Variants in CPA6 observed in about 807,000 individuals in gnomAD.
CPA6 encodes the protein carboxypeptidase B.
A neutral mutation model predicts 63.3 loss-of-function variants in CPA6; 58 were observed. That is an observed-to-expected ratio of 0.92 (90% confidence interval 0.74 to 1.14). The LOEUF (loss-of-function observed/expected upper bound fraction) is 1.14, where lower values mean the gene tolerates loss of function less well. CPA6 is among the 50% of genes most tolerant of loss of function. CPA6 has a pLI of 0.00. For missense variants in CPA6, 565 were observed against 526.6 expected (o/e 1.07, Z -0.71); for synonymous variants, 185 against 179.0 (o/e 1.03, Z -0.27).
intron 1 of CPA6, among the ~76,000 whole-genome samples, chr8:67,631,923 G>C (rs531208730): frequency 6.6e-6 from 1 of 152,076 alleles, no homozygotes; most frequent in South Asian, 2.1e-4. Flanking sequence ...CCCACCAGAA[G>C]GAAAAACCTC....
chr8:67,611,821 G>C (rs1041950918), intron 2 of CPA6, among the ~76,000 whole-genome samples: 1 of 152,048 alleles, frequency 6.6e-6, no homozygotes, highest in African/African-American at 2.4e-5. Flanking sequence ...GCCTGCTGGC[G>C]GCACAGCAAA....
intron 2 of CPA6, among the ~76,000 whole-genome samples, chr8:67,571,320 A>G (rs1813480887): frequency 6.6e-6 from 1 of 152,230 alleles, no homozygotes; most frequent in Non-Finnish European, 1.5e-5. Context: ...TTGAGGAACC[A>G]TTGGACTTGA....
At chr8:67,716,818 T>A (rs1817391957) in intron 1 of CPA6, among the ~76,000 whole-genome samples, 1 of 152,220 alleles carries the variant, frequency 6.6e-6, no homozygotes, top group Non-Finnish European at 1.5e-5. Flanking sequence ...TTTTGCAGCC[T>A]TTATCTTATT....
chr8:67,447,489 A>T (rs867091720), intron 8 of CPA6, among the ~76,000 whole-genome samples: 5 of 147,100 alleles, frequency 3.4e-5, no homozygotes, highest in Admixed American at 2.1e-4. Context: ...CCCTGGGCTG[A>T]AGGAGATATG....
At chr8:67,692,211 C>T (rs545569611) in intron 1 of CPA6, among the ~76,000 whole-genome samples, 1 of 152,062 alleles carries the variant, frequency 6.6e-6, no homozygotes, top group African/African-American at 2.4e-5. Context: ...TGGCGCATGC[C>T]TCTAATCCCA....
At chr8:67,582,047 T>C (rs1813786712) in intron 2 of CPA6, among the ~76,000 whole-genome samples, 1 of 152,036 alleles carries the variant, frequency 6.6e-6, no homozygotes, top group Admixed American at 6.6e-5. Flanking sequence ...TCTTTGGTTG[T>C]GTAGTGGGGT....
rs561739694 is a variant in CPA6 at position 67,506,127 on chromosome 8, G to C, written c.636+660C>G. On this transcript the variant is annotated intron_variant, in intron 6 of 10. Transcript: ENST00000297770. ...TAGAAAAGTATCAGAACATACGAAA[G>C]TGTTGGCACAAAAGGCTGGCCCACT... Among the ~76,000 whole-genome samples the C allele has an allele frequency of 3.3e-5, 5 of 151,900 alleles. No individual in the cohort carries two copies. In the East Asian group the frequency reaches 9.7e-4, roughly 29 times the overall value.
chr8:67,637,213 G>A (rs1237702544), intron 1 of CPA6, among the ~76,000 whole-genome samples: 1 of 151,586 alleles, frequency 6.6e-6, no homozygotes, highest in African/African-American at 2.4e-5. Context: ...TTTTCTCACG[G>A]TAGCTCACAT....
intron 2 of CPA6, among the ~76,000 whole-genome samples, chr8:67,581,930 T>C (rs553775623): frequency 1.3e-5 from 2 of 151,722 alleles, no homozygotes; most frequent in African/African-American, 4.8e-5. Flanking sequence ...TGGGGTGGGG[T>C]GTTGAGGGGG....
chr8:67,594,520 A>G (rs1814238057), intron 2 of CPA6, among the ~76,000 whole-genome samples: 1 of 152,152 alleles, frequency 6.6e-6, no homozygotes, highest in Non-Finnish European at 1.5e-5. Context: ...TTCAGGTACA[A>G]CAATCAGGAC....
chr8:67,681,498 C>T (rs1587697297), intron 1 of CPA6, among the ~76,000 whole-genome samples: 2 of 152,036 alleles, frequency 1.3e-5, no homozygotes, highest in Admixed American at 6.5e-5. Context: ...CGTGAGCCAC[C>T]GCGCCCGGCC....
At chr8:67,508,837 T>C (rs1028858795) in intron 5 of CPA6, among the ~76,000 whole-genome samples, 7 of 152,106 alleles carry the variant, frequency 4.6e-5, no homozygotes, top group Non-Finnish European at 7.4e-5. Context: ...ATGAGAATAA[T>C]ACATAGCTTC....
chr8:67,681,200 CT>C lies in CPA6; in HGVS notation c.117-56950del, dbSNP rs1007305743. Among the ~76,000 whole-genome samples the C allele has an allele frequency of 1.1e-3, 101 of 89,880 alleles. 3 individuals are homozygous for C. The South Asian group carries it at 0.015, about 14-fold the overall frequency. 59.0% of individuals were successfully genotyped at this position (89,880 alleles called of 152,430 possible). On this transcript the variant is annotated intron_variant, in intron 1 of 10. Transcript: ENST00000297770. The stretch of plus-strand genomic sequence containing the variant: ...CTCAACCCAAGGTCACAAAGATTTT[CT>C]TTTTTTTTTTTTTTTTTTTGAGACG...
At chr8:67,621,943 C>T (rs1330920641) in intron 2 of CPA6, among the ~76,000 whole-genome samples, 6 of 152,180 alleles carry the variant, frequency 3.9e-5, no homozygotes, top group African/African-American at 9.7e-5. Flanking sequence ...GTCATCAGTG[C>T]CAGCAGCCCT....
chr8:67,430,681 G>A (rs1810007422), intron 9 of CPA6, among the ~76,000 whole-genome samples: 1 of 152,108 alleles, frequency 6.6e-6, no homozygotes, highest in South Asian at 2.1e-4. Context: ...CAATGGCATT[G>A]TTGACATCTT....
chr8:67,492,874 A>C (rs1287225983), intron 6 of CPA6, among the ~76,000 whole-genome samples: 1 of 152,164 alleles, frequency 6.6e-6, no homozygotes, highest in Non-Finnish European at 1.5e-5. Context: ...AGGCATTATA[A>C]ATTGGATAGA....
intron 2 of CPA6, among the ~76,000 whole-genome samples, chr8:67,543,654 T>C (rs373764695): frequency 9.1e-4 from 139 of 152,280 alleles, no homozygotes; most frequent in African/African-American, 3.2e-3. Context: ...ATTTTTACCA[T>C]GGACCATTTT....
intron 1 of CPA6, among the ~76,000 whole-genome samples, chr8:67,720,173 G>T (rs939574559): frequency 2.0e-5 from 3 of 151,136 alleles, no homozygotes; most frequent in African/African-American, 7.4e-5. Flanking sequence ...GGGGTCGCAA[G>T]GTGCTCAGTG....
At chr8:67,585,670 T>C (rs16933412) in intron 2 of CPA6, among the ~76,000 whole-genome samples, 10,399 of 152,230 alleles carry the variant, frequency 0.068, 642 homozygotes, top group African/African-American at 0.16. Context: ...TAAGTATTAA[T>C]GTGTTTTTCT....
Sources: allele counts gnomAD v4.1 joint callset (sites outside exome capture counted in the v4.1 genomes callset), GRCh38; gene constraint gnomAD v4.1.1; transcripts MANE v1.5; gene names NCBI Gene and HGNC (gene_info 2026-07-23, HGNC 2026-07-21).